The following HAPSTR1 variants were observed in gnomAD, a reference collection of about 807,000 sequenced individuals.
The protein encoded by HAPSTR1 is HUWE1 associated protein modifying stress responses.
the HAPSTR1 span, among the ~76,000 whole-genome samples, chr16:9,113,761 A>G: frequency 2.6e-5 from 4 of 152,234 alleles, no homozygotes; most frequent in African/African-American, 9.6e-5. Context: ...CTGAGACACT[A>G]GGATGAAAGA....
the HAPSTR1 span, chr16:9,111,698 G>C: frequency 6.6e-6 from 1 of 152,028 alleles, no homozygotes; most frequent in Non-Finnish European, 1.5e-5. Context: ...AAGCAGTTTT[G>C]ATATTCATTC....
the HAPSTR1 span, chr16:9,092,032 G>A: frequency 1.3e-6 from 2 of 1,495,222 alleles, no homozygotes; most frequent in Non-Finnish European, 1.8e-6. Context: ...GAGGCCGCGG[G>A]AGGCCGCGGA....
chr16:9,092,352 TTCGGGGGGCCGCGACGGCGGCGGCC>T, the HAPSTR1 span: 32 of 1,179,402 alleles, frequency 2.7e-5, no homozygotes, highest in East Asian at 3.3e-5. Context: ...CAGCGGCCGC[TTCGGGGGGCCGCGACGGCGGCGGCC>T]TCGGGGATCC....
chr16:9,110,853 C>A, the HAPSTR1 span: 1 of 152,454 alleles, frequency 6.6e-6, no homozygotes, highest in Non-Finnish European at 1.5e-5. Context: ...GCCTGACCAA[C>A]TTGGAGAAAC....
the HAPSTR1 span, chr16:9,111,259 A>G: frequency 6.6e-6 from 1 of 152,278 alleles, no homozygotes. Context: ...TTGAAGTAAC[A>G]GAACTGTTGG....
chr16:9,092,323 G>A, the HAPSTR1 span: 7 of 1,336,050 alleles, frequency 5.2e-6, no homozygotes, highest in African/African-American at 3.0e-5. Flanking sequence ...GCCCGGGCCC[G>A]GCCCCGGCCC....
At chr16:9,107,492 G>C in the HAPSTR1 span, 1 of 152,302 alleles carries the variant, frequency 6.6e-6, no homozygotes, top group Non-Finnish European at 1.5e-5. Flanking sequence ...TCACTTTCCA[G>C]TCCTGAGCTG....
the HAPSTR1 span, among the ~76,000 whole-genome samples, chr16:9,100,486 C>T: frequency 6.6e-6 from 1 of 151,676 alleles, no homozygotes; most frequent in Non-Finnish European, 1.5e-5. Context: ...TCAAGTTTAG[C>T]TTCTCTTTTT....
the HAPSTR1 span, chr16:9,121,577 CTGTTTTCTCATCTGTGAAATAAATAG>C: frequency 1.2e-5 from 1 of 81,232 alleles, no homozygotes; most frequent in South Asian, 2.9e-4. Context: ...CCTCTCTGGG[CTGTTTTCTCATCTGTGAAATAAATAG>C]AAAACATAGA....
the HAPSTR1 span, chr16:9,110,275 G>C: frequency 2.0e-5 from 3 of 151,302 alleles, no homozygotes; most frequent in East Asian, 1.9e-4. Flanking sequence ...ACTGGATGTA[G>C]GGCCGTATGA....
chr16:9,114,671 C>T, the HAPSTR1 span, among the ~76,000 whole-genome samples: 1 of 152,122 alleles, frequency 6.6e-6, no homozygotes, highest in Admixed American at 6.5e-5. Flanking sequence ...CAGGCTGGCC[C>T]TAGGACCAAC....
chr16:9,097,181 C>T, the HAPSTR1 span, among the ~76,000 whole-genome samples: 2 of 151,800 alleles, frequency 1.3e-5, no homozygotes, highest in African/African-American at 4.8e-5. Flanking sequence ...CTCAGGTGAT[C>T]CGCCCGCCTT....
chr16:9,100,491 CT>C, the HAPSTR1 span, among the ~76,000 whole-genome samples: 1 of 151,696 alleles, frequency 6.6e-6, no homozygotes, highest in Non-Finnish European at 1.5e-5. Flanking sequence ...TTTAGCTTCT[CT>C]TTTTTTGCTG....
At chr16:9,106,907 C>T in the HAPSTR1 span, 3 of 152,126 alleles carry the variant, frequency 2.0e-5, no homozygotes, top group Non-Finnish European at 4.4e-5. Context: ...TCTTCTGGAT[C>T]ACTTTGTGGA....
chr16:9,095,680 CAG>C, the HAPSTR1 span, among the ~76,000 whole-genome samples: 1 of 151,552 alleles, frequency 6.6e-6, no homozygotes, highest in Non-Finnish European at 1.5e-5. Flanking sequence ...TTTTAGTTGT[CAG>C]AGGGCTTTTG....
the HAPSTR1 span, chr16:9,092,065 G>T: frequency 1.3e-6 from 2 of 1,532,632 alleles, no homozygotes; most frequent in Admixed American, 2.0e-5. Flanking sequence ...GGAAGGAGGA[G>T]GGCGAGGCCG....
At chr16:9,094,538 C>T in the HAPSTR1 span, among the ~76,000 whole-genome samples, 1 of 151,794 alleles carries the variant, frequency 6.6e-6, no homozygotes. Context: ...CCTCCCAGTC[C>T]CTGGCAGTCA....
chr16:9,112,168 A>G, the HAPSTR1 span: 3 of 152,098 alleles, frequency 2.0e-5, no homozygotes, highest in East Asian at 1.9e-4. Context: ...TTCCTTTTTA[A>G]ATGTTTGAAC....
At chr16:9,098,340 A>G in the HAPSTR1 span, among the ~76,000 whole-genome samples, 1 of 152,192 alleles carries the variant, frequency 6.6e-6, no homozygotes, top group Admixed American at 6.5e-5. Flanking sequence ...TCACACACAC[A>G]CACAAAATAT....
Sources: gnomAD v4.1 joint callset for allele counts (sites outside exome capture counted in the v4.1 genomes callset) on GRCh38, gnomAD v4.1.1 for gene constraint, MANE v1.5 for transcripts, NCBI Gene and HGNC (gene_info 2026-07-23, HGNC 2026-07-21) for gene names.